Variants in FAM107B observed in about 807,000 individuals in gnomAD.
FAM107B encodes the protein protein FAM107B.
Under a neutral mutation model 31.5 loss-of-function variants are expected in FAM107B, and 21 were observed. That is an observed-to-expected ratio of 0.67 (90% CI 0.47 to 0.96). FAM107B has a LOEUF of 0.96. Among genes scored for constraint, FAM107B ranks in the 40% least tolerant of loss-of-function variants. FAM107B has a pLI of 0.00. For missense variants in FAM107B, 452 were observed against 377.1 expected, an observed-to-expected ratio of 1.20 and a Z score of -1.64; for synonymous variants, 157 against 141.5, an observed-to-expected ratio of 1.11 and a Z score of -0.78.
intron 1 of FAM107B, among the ~76,000 whole-genome samples, chr10:14,679,920 A>T (rs926649166): frequency 1.2e-4 from 18 of 152,112 alleles, no homozygotes; most frequent in African/African-American, 3.9e-4. Context: ...CTGCCCTCAA[A>T]CATCGGACTC....
chr10:14,650,092 G>A (rs1289016548), intron 2 of FAM107B, among the ~76,000 whole-genome samples: 1 of 152,162 alleles, frequency 6.6e-6, no homozygotes, highest in South Asian at 2.1e-4. Context: ...CCTGGAGGAA[G>A]CTTTCCAGAA....
intron 1 of FAM107B, among the ~76,000 whole-genome samples, chr10:14,752,090 C>A (rs1342195080): frequency 6.6e-6 from 1 of 152,166 alleles, no homozygotes; most frequent in Non-Finnish European, 1.5e-5. Flanking sequence ...TGATGTCACT[C>A]CCAGCCTGTT....
intron 2 of FAM107B, among the ~76,000 whole-genome samples, chr10:14,597,355 A>G (rs1852221423): frequency 6.6e-6 from 1 of 152,216 alleles, no homozygotes; most frequent in Non-Finnish European, 1.5e-5. Flanking sequence ...CGTGAGTTTT[A>G]ACTTTCACAA....
intron 2 of FAM107B, among the ~76,000 whole-genome samples, chr10:14,622,457 C>T (rs183606092): frequency 6.6e-6 from 1 of 152,058 alleles, no homozygotes; most frequent in Non-Finnish European, 1.5e-5. Flanking sequence ...CAGGTGCATG[C>T]CACCATGCCT....
At chr10:14,674,030 G>A (rs1268230824) in intron 1 of FAM107B, among the ~76,000 whole-genome samples, 1 of 151,998 alleles carries the variant, frequency 6.6e-6, no homozygotes, top group African/African-American at 2.4e-5. Flanking sequence ...AGTATCTCTA[G>A]AAAAGAGGGC....
chr10:14,714,019 G>A (rs1371257260), intron 1 of FAM107B, among the ~76,000 whole-genome samples: 1 of 152,042 alleles, frequency 6.6e-6, no homozygotes, highest in Non-Finnish European at 1.5e-5. Flanking sequence ...GAGATACCAG[G>A]GCCTACTTGA....
At chr10:14,706,996 G>A (rs377692082) in intron 1 of FAM107B, among the ~76,000 whole-genome samples, 6 of 152,166 alleles carry the variant, frequency 3.9e-5, no homozygotes, top group East Asian at 1.9e-4. Context: ...GTGGTGGCAC[G>A]CGCCTGTAGT....
In FAM107B at chr10:14,559,118, CAAAAAA is replaced by C. The variant is rs59285556; in HGVS notation, c.470-28609_470-28604del. ...GAACTTCAAAAAAAAAAAAAAAAAA[CAAAAAA>C]AAAACACCTGGTGTCTAGCTCCAGC... is the stretch of plus-strand genomic sequence containing the variant. On this transcript the variant is annotated intron_variant, in intron 2 of 4. Coordinates refer to ENST00000181796, the MANE Select transcript of FAM107B (RefSeq NM_031453.4). Among the ~76,000 whole-genome samples the C allele has an allele frequency of 2.1e-3, 241 of 112,308 alleles. 3 individuals carry two copies. Among genetic ancestry groups the C allele is most frequent in the African/African-American group, 7.7e-3 (235 of 30,520 alleles). The allele number at this position is 112,308 out of a possible 152,430, so 73.7% of individuals were successfully genotyped here. A position where few individuals can be genotyped will look rare whatever the true frequency, so the allele number is the denominator to read the frequency against.
chr10:14,739,920 C>G (rs1856397156), intron 1 of FAM107B, among the ~76,000 whole-genome samples: 1 of 152,146 alleles, frequency 6.6e-6, no homozygotes, highest in Non-Finnish European at 1.5e-5. Context: ...GTTGGTCTAT[C>G]CCCTGGATTG....
chr10:14,726,711 A>G (rs1856043691), intron 1 of FAM107B, among the ~76,000 whole-genome samples: 1 of 152,050 alleles, frequency 6.6e-6, no homozygotes, highest in Admixed American at 6.6e-5. Flanking sequence ...ATGTTTCCCA[A>G]ATTATCAGCT....
At chr10:14,572,278 T>C (rs759817983) in intron 2 of FAM107B, 128 of 985,450 alleles carry the variant, frequency 1.3e-4, no homozygotes, top group Middle Eastern at 5.2e-4. Flanking sequence ...TGTACTTGTC[T>C]GTACAAAAAT....
Position 14,520,400 on chromosome 10 carries a change from T to C in FAM107B, c.*790A>G, listed in dbSNP as rs1321199951. 2.6e-5 allele frequency: 4 copies of C among 152,178 alleles called. No homozygotes were observed. The highest frequency in any genetic ancestry group is 9.7e-5 in the African/African-American group (4 of 41,440). The allele number at this position is 152,178 out of a possible 1,614,324, so 9.4% of individuals were successfully genotyped here. ...TCTAAGGGACTGGAAGGTTATTCCA[T>C]CTGAAAGAACTAGATCAGCAAGACA... On this transcript the variant is annotated 3_prime_UTR_variant, in exon 5 of 5. Coordinates refer to ENST00000181796, the MANE Select transcript of FAM107B (RefSeq NM_031453.4).
chr10:14,641,020 C>T (rs552431801), intron 2 of FAM107B, among the ~76,000 whole-genome samples: 1 of 152,170 alleles, frequency 6.6e-6, no homozygotes, highest in Non-Finnish European at 1.5e-5. Context: ...TATGGTGGCT[C>T]TATAATGTCC....
chr10:14,604,146 GA>G, intron 2 of FAM107B: 2 of 789,384 alleles, frequency 2.5e-6, no homozygotes, highest in Non-Finnish European at 3.1e-6. Flanking sequence ...CGCCCGCCGA[GA>G]GGGTCCCCGG....
At chr10:14,547,962 G>A (rs116768758) in intron 2 of FAM107B, among the ~76,000 whole-genome samples, 116 of 152,302 alleles carry the variant, frequency 7.6e-4, no homozygotes, top group African/African-American at 2.6e-3. Flanking sequence ...TATTTCCATG[G>A]CCCCGGCCCT....
intron 1 of FAM107B, among the ~76,000 whole-genome samples, chr10:14,714,604 C>G (rs1200891090): frequency 6.6e-6 from 1 of 152,124 alleles, no homozygotes; most frequent in Non-Finnish European, 1.5e-5. Flanking sequence ...AGCACACCTA[C>G]CCGAAGACTT....
intron 2 of FAM107B, among the ~76,000 whole-genome samples, chr10:14,574,526 A>T (rs1851404274): frequency 6.6e-6 from 1 of 152,224 alleles, no homozygotes; most frequent in African/African-American, 2.4e-5. Flanking sequence ...CATGTGGCTG[A>T]TCACAACTGT....
chr10:14,604,738 C>T (rs1052818289), intron 2 of FAM107B, among the ~76,000 whole-genome samples: 1 of 150,724 alleles, frequency 6.6e-6, no homozygotes, highest in Non-Finnish European at 1.5e-5. Flanking sequence ...TCCCTCGTTC[C>T]CTCGCTCTCT....
chr10:14,522,093 T>G (rs1331384608), intron 3 of FAM107B, 74 bp from the exon 4 acceptor site: 1 of 1,543,932 alleles, frequency 6.5e-7, no homozygotes, highest in Non-Finnish European at 8.7e-7. Flanking sequence ...AAATTTAACT[T>G]ACAATATCAA....
Sources: gnomAD v4.1 joint callset for allele counts (sites outside exome capture counted in the v4.1 genomes callset) on GRCh38, gnomAD v4.1.1 for gene constraint, MANE v1.5 for transcripts, NCBI Gene and HGNC (gene_info 2026-07-23, HGNC 2026-07-21) for gene names.